NADSYN1: variants seen among roughly 807,000 people sequenced by gnomAD.
The protein encoded by NADSYN1 is glutamine-dependent NAD(+) synthetase.
NADSYN1 carries 80 observed loss-of-function variants against 99.3 expected under a neutral mutation model. The ratio of observed to expected loss-of-function variants is 0.81; its 90% CI spans 0.67 to 0.97. The LOEUF is 0.97. Among genes scored for constraint, NADSYN1 ranks in the 50% least tolerant of loss-of-function variants. The probability of loss-of-function intolerance (pLI) is 0.00; values close to 1 mark genes in which losing one functional copy is unlikely to be tolerated. For missense variants in NADSYN1, 859 were observed against 948.5 expected, an observed-to-expected ratio of 0.91 and a Z score of 1.24; for synonymous variants, 385 against 372.1, an observed-to-expected ratio of 1.03 and a Z score of -0.40.
At chr11:71,457,060 C>T (rs1193811724) in intron 2 of NADSYN1, among the ~76,000 whole-genome samples, 1 of 152,260 alleles carries the variant, frequency 6.6e-6, no homozygotes, top group Non-Finnish European at 1.5e-5. Context: ...AGGACCAGCT[C>T]CTGCTGCTGA....
chr11:71,470,887 C>T (rs1030388672), intron 5 of NADSYN1, among the ~76,000 whole-genome samples: 4 of 152,112 alleles, frequency 2.6e-5, no homozygotes, highest in East Asian at 1.9e-4. Context: ...TCACTGTCTT[C>T]GTTTATTTGT....
At chr11:71,490,481 C>A (rs10898201) in intron 16 of NADSYN1, among the ~76,000 whole-genome samples, 30,589 of 152,052 alleles carry the variant, frequency 0.2, 3,408 homozygotes, top group East Asian at 0.38. Context: ...AGTTGACAGG[C>A]AGGGGAGGGG....
rs368682853 is a variant in NADSYN1, at chr11:71,472,550, C to T, written c.459+50C>T. The T allele has an allele frequency of 1.0e-5, 16 of 1,533,986 alleles. No individual in the cohort carries two copies. In the African/African-American group the frequency reaches 1.2e-4, roughly 12 times the overall value. ...TTTTTCAGTCGGTTGTCGCTGTTCTCGGCCAACAGTGGACCAGGTGGGGCG... is the reference window on the plus strand; with the variant it reads ...TTTTTCAGTCGGTTGTCGCTGTTCTTGGCCAACAGTGGACCAGGTGGGGCG... On this transcript the variant is annotated intron_variant, in intron 6 of 20. Transcript: ENST00000319023.
chr11:71,471,325 G>A (rs1949625414), intron 5 of NADSYN1, among the ~76,000 whole-genome samples: 2 of 152,216 alleles, frequency 1.3e-5, no homozygotes, highest in Non-Finnish European at 2.9e-5. Context: ...GACAAGAAAT[G>A]GTCATGTTCA....
chr11:71,498,198 C>G (rs1949833259), intron 19 of NADSYN1, among the ~76,000 whole-genome samples, 154 bp from the exon 20 acceptor site: 1 of 152,250 alleles, frequency 6.6e-6, no homozygotes, highest in Non-Finnish European at 1.5e-5. Flanking sequence ...TGTCCCCGGC[C>G]TGAGCACGGG....
chr11:71,473,427 C>G (rs536802137), intron 7 of NADSYN1, 61 bp downstream of exon 7: 9 of 1,579,384 alleles, frequency 5.7e-6, no homozygotes, highest in Middle Eastern at 1.7e-4. Flanking sequence ...CTGGGAGGAC[C>G]TGGGACTGCA....
At chr11:71,457,077 G>A (rs757178006) in intron 2 of NADSYN1, among the ~76,000 whole-genome samples, 33 of 152,276 alleles carry the variant, frequency 2.2e-4, no homozygotes, top group Non-Finnish European at 2.9e-4. Context: ...CTGACTCACC[G>A]AAGGGGTGAG....
intron 16 of NADSYN1, among the ~76,000 whole-genome samples, chr11:71,490,614 C>T (rs1164697336): frequency 6.6e-6 from 1 of 152,166 alleles, no homozygotes; most frequent in Admixed American, 6.5e-5. Flanking sequence ...GCTGGTGACC[C>T]CCGAAATCTG....
At chr11:71,468,369 T>A (rs778780791) in intron 5 of NADSYN1, among the ~76,000 whole-genome samples, 6 of 152,186 alleles carry the variant, frequency 3.9e-5, no homozygotes, top group African/African-American at 1.4e-4. Flanking sequence ...CAGCCCTAAA[T>A]CACTGCATAG....
At chr11:71,492,991 G>A (rs553627899) in intron 18 of NADSYN1, among the ~76,000 whole-genome samples, 61 of 151,732 alleles carry the variant, frequency 4.0e-4, no homozygotes, top group African/African-American at 1.4e-3. Context: ...TGGCTCAAGC[G>A]ATTCTCCTAC....
intron 2 of NADSYN1, among the ~76,000 whole-genome samples, chr11:71,456,974 C>T (rs1565594838): frequency 6.6e-6 from 1 of 152,226 alleles, no homozygotes; most frequent in African/African-American, 2.4e-5. Context: ...GACCCTCTCA[C>T]CTAGAAAAGT....
In NADSYN1 at chr11:71,481,251, C is replaced by CGTT; in HGVS notation, c.999-103_999-101dup. ...AGAGACGGGCGTCCTGAGAGCCCAG[C>CGTT]GTTGACTCTGGCACTGCAGCCTCCT... On this transcript the variant is annotated intron_variant, in intron 11 of 20. Coordinates refer to ENST00000319023, the MANE Select transcript of NADSYN1 (RefSeq NM_018161.5). 8.7e-6 allele frequency: 10 copies of CGTT among 1,154,162 alleles called. No homozygotes were observed. In the South Asian group the frequency reaches 1.3e-4, roughly 15 times the overall value. 71.5% of individuals were successfully genotyped at this position (1,154,162 alleles called of 1,614,324 possible).
At chr11:71,481,211 C>T (rs568264634) in intron 11 of NADSYN1, 145 bp from the exon 12 acceptor site, 13 of 800,544 alleles carry the variant, frequency 1.6e-5, no homozygotes, top group Admixed American at 1.5e-4. Context: ...TCCCTTCTCA[C>T]GAGGTGCCTA....
At chr11:71,472,368 T>C in intron 5 of NADSYN1, 81 bp from the exon 6 acceptor site, 4 of 1,183,460 alleles carry the variant, frequency 3.4e-6, no homozygotes, top group Non-Finnish European at 5.1e-6. Flanking sequence ...GGGTTCAGTT[T>C]GAGTTTTGTT....
chr11:71,498,580 AC>A, intron 20 of NADSYN1, 52 bp downstream of exon 20: 1 of 1,585,316 alleles, frequency 6.3e-7, no homozygotes, highest in Non-Finnish European at 8.6e-7. Flanking sequence ...TGTAGAAGAA[AC>A]GTGAGGTTAT....
intron 9 of NADSYN1, chr11:71,475,718 T>G: frequency 4.0e-6 from 1 of 252,436 alleles, no homozygotes; most frequent in South Asian, 4.3e-5. Flanking sequence ...CCCTTTCGGT[T>G]GTTTGTTTGT....
At position 71,455,282 on chromosome 11, in the gene NADSYN1, G is replaced by T. The variant is rs116869805; in HGVS notation, c.146+112G>T. 9.5e-4 allele frequency: 858 copies of T among 900,970 alleles called. 12 individuals carry two copies. In the East Asian group the frequency reaches 0.019, roughly 20 times the overall value. The allele number at this position is 900,970 out of a possible 1,614,324, so 55.8% of individuals were successfully genotyped here. ...GGACAGTCCTGAGAGCTGTGGACAC[G>T]CCACACCCACTGTTGGGCCTGGTTA... On this transcript the variant is annotated intron_variant, in intron 2 of 20. Transcript: ENST00000319023.
intron 9 of NADSYN1, chr11:71,476,972 C>T: frequency 9.8e-7 from 1 of 1,017,258 alleles, no homozygotes; most frequent in Non-Finnish European, 1.2e-6. Flanking sequence ...TGGCCACAGG[C>T]CTGCTGTATT....
chr11:71,480,332 C>T (rs1346376284), intron 10 of NADSYN1: 1 of 183,348 alleles, frequency 5.5e-6, no homozygotes, highest in Non-Finnish European at 1.2e-5. Flanking sequence ...CACCACCATG[C>T]CCGGCTAATT....
Sources: allele counts gnomAD v4.1 joint callset (sites outside exome capture counted in the v4.1 genomes callset), GRCh38; gene constraint gnomAD v4.1.1; transcripts MANE v1.5; gene names NCBI Gene and HGNC (gene_info 2026-07-23, HGNC 2026-07-21).